Variants in CRACD observed in about 807,000 individuals in gnomAD.
The protein encoded by CRACD is capping protein-inhibiting regulator of actin dynamics.
CRACD carries 56 observed loss-of-function variants against 106.8 expected under a neutral mutation model. The ratio of observed to expected loss-of-function variants is 0.52; its 90% CI spans 0.42 to 0.66. The LOEUF (loss-of-function observed/expected upper bound fraction) is 0.66. CRACD is among the 30% of genes least tolerant of loss of function. The pLI is 0.00. For missense variants in CRACD, 1,730 were observed against 1,623.2 expected, an observed-to-expected ratio of 1.07 and a Z score of -1.13; for synonymous variants, 754 against 670.8, an observed-to-expected ratio of 1.12 and a Z score of -1.92.
At chr4:56,274,065 T>C (rs900438119) in intron 3 of CRACD, among the ~76,000 whole-genome samples, 3 of 152,234 alleles carry the variant, frequency 2.0e-5, no homozygotes, top group Non-Finnish European at 4.4e-5. Flanking sequence ...CAGCCCTGTG[T>C]TTATTTTCTG....
chr4:56,205,147 C>A (rs1287954997), intron 2 of CRACD, among the ~76,000 whole-genome samples: 2 of 152,072 alleles, frequency 1.3e-5, no homozygotes, highest in African/African-American at 2.4e-5. Context: ...CAGAGTAAGA[C>A]CCTGTCTCAA....
At chr4:56,241,999 A>T (rs982276634) in intron 2 of CRACD, among the ~76,000 whole-genome samples, 2 of 152,194 alleles carry the variant, frequency 1.3e-5, no homozygotes, top group Non-Finnish European at 2.9e-5. Context: ...ATTGTTAAAA[A>T]TTTTTTATAT....
chr4:56,160,903 G>A (rs534730761), intron 1 of CRACD, among the ~76,000 whole-genome samples: 28 of 152,324 alleles, frequency 1.8e-4, no homozygotes, highest in African/African-American at 6.5e-4. Context: ...TACCTTGTGC[G>A]TGTTTCCTCA....
At chr4:56,182,861 A>ATGTGTGTGTGTGTGTGTG (rs763638808) in intron 2 of CRACD, among the ~76,000 whole-genome samples, 102 of 101,984 alleles carry the variant, frequency 1.0e-3, no homozygotes, top group African/African-American at 3.6e-3. Flanking sequence ...GAAAAAAAAG[A>ATGTGTGTGTGTGTGTGTG]TATGTGTGTG....
chr4:56,220,828 C>T (rs780742780), intron 2 of CRACD, among the ~76,000 whole-genome samples: 2 of 152,076 alleles, frequency 1.3e-5, no homozygotes, highest in Non-Finnish European at 2.9e-5. Flanking sequence ...AATAGGGGAG[C>T]ACAGTCCCTG....
chr4:56,329,989 C>T lies in CRACD; in HGVS notation c.*2185C>T, dbSNP rs939293. 0.53 allele frequency among the ~76,000 whole-genome samples: 80,666 copies of T among 151,898 alleles called. 21,731 individuals are homozygous for T. The highest frequency in any genetic ancestry group is 0.64 in the Admixed American group (9,762 of 15,240). On this transcript the variant is annotated 3_prime_UTR_variant, in exon 11 of 11. Coordinates refer to ENST00000682029, the MANE Select transcript of CRACD (RefSeq NM_001393381.1). ...GAGTATACTGAAGAAAGGGCAGTCA[C>T]AATACTTACTTCTAACAGCTTCTAA...
At chr4:56,132,033 G>A (rs1218883925) in intron 1 of CRACD, among the ~76,000 whole-genome samples, 6 of 152,058 alleles carry the variant, frequency 3.9e-5, no homozygotes, top group Non-Finnish European at 8.8e-5. Context: ...GAAGAATATG[G>A]CTATACATTC....
At position 56,141,738 on chromosome 4, in the gene CRACD, C is replaced by T. The variant is rs116385460; in HGVS notation, c.-335-37546C>T. On this transcript the variant is annotated intron_variant, in intron 1 of 10. Coordinates refer to ENST00000682029, the MANE Select transcript of CRACD (RefSeq NM_001393381.1). ...AAACAGAGTCTTACTCTATCACCCA[C>T]GCTGGGGTGCAGTGCCATGATCGCA... Among the ~76,000 whole-genome samples the T allele has an allele frequency of 2.9e-3, 396 of 137,050 alleles. 3 individuals carry two copies. The highest frequency in any genetic ancestry group is 0.01 in the African/African-American group (366 of 36,050). The allele number at this position is 137,050 out of a possible 152,430, so 89.9% of individuals were successfully genotyped here.
chr4:56,324,938 T>G (rs1577921212), intron 10 of CRACD, among the ~76,000 whole-genome samples: 2 of 152,226 alleles, frequency 1.3e-5, no homozygotes, highest in South Asian at 4.1e-4. Flanking sequence ...TTACCCTGAT[T>G]GATCATTATA....
At chr4:56,166,756 A>G (rs1736172754) in intron 1 of CRACD, among the ~76,000 whole-genome samples, 1 of 152,016 alleles carries the variant, frequency 6.6e-6, no homozygotes, top group East Asian at 1.9e-4. Flanking sequence ...ATTTAGTAGC[A>G]TGGAAAAATA....
intron 2 of CRACD, among the ~76,000 whole-genome samples, chr4:56,218,427 C>CG: frequency 6.7e-6 from 1 of 148,844 alleles, no homozygotes; most frequent in Non-Finnish European, 1.5e-5. Flanking sequence ...CTTTCCCTCC[C>CG]TTCCCCTCCC....
Position 56,256,351 on chromosome 4 carries a change from T to A in CRACD, c.-188-15970T>A, listed in dbSNP as rs192921894. 2.7e-4 allele frequency among the ~76,000 whole-genome samples: 41 copies of A among 152,344 alleles called. 1 individual carries two copies. The highest frequency in any genetic ancestry group is 2.6e-3 in the Admixed American group (40 of 15,302). ...TCTGCCTTTCACCTTCTGCCATGAT[T>A]GTGAGGCCTCCCCAGCCCCATGGAA... On this transcript the variant is annotated intron_variant, in intron 2 of 10. Coordinates refer to ENST00000682029, the MANE Select transcript of CRACD (RefSeq NM_001393381.1).
chr4:56,322,284 A>C (rs1746153429), intron 8 of CRACD, among the ~76,000 whole-genome samples: 1 of 152,234 alleles, frequency 6.6e-6, no homozygotes, highest in Non-Finnish European at 1.5e-5. Flanking sequence ...AGACATTATC[A>C]TCTCCACTTT....
At chr4:56,074,348 T>C (rs111798641) in intron 1 of CRACD, among the ~76,000 whole-genome samples, 7 of 152,170 alleles carry the variant, frequency 4.6e-5, no homozygotes, top group African/African-American at 1.7e-4. Flanking sequence ...TGTTTGTGTC[T>C]TCTCTTATTT....
intron 1 of CRACD, among the ~76,000 whole-genome samples, chr4:56,132,061 A>G (rs34588475): frequency 0.27 from 41,060 of 152,000 alleles, 5,792 homozygotes; most frequent in East Asian, 0.45. Flanking sequence ...TTTTATTATT[A>G]TTTTTAGACA....
intron 8 of CRACD, among the ~76,000 whole-genome samples, chr4:56,321,949 C>T (rs1459051344): frequency 6.6e-6 from 1 of 152,152 alleles, no homozygotes; most frequent in South Asian, 2.1e-4. Flanking sequence ...ATTTTCTCAT[C>T]ACTGCTCTTT....
chr4:56,261,962 C>A (rs1741734815), intron 2 of CRACD, among the ~76,000 whole-genome samples: 1 of 151,972 alleles, frequency 6.6e-6, no homozygotes. Context: ...AAATGAAAAC[C>A]ACAGGGATTA....
chr4:56,153,056 A>C (rs1735639208), intron 1 of CRACD, among the ~76,000 whole-genome samples: 1 of 152,072 alleles, frequency 6.6e-6, no homozygotes, highest in African/African-American at 2.4e-5. Flanking sequence ...AGGTGGGCGG[A>C]TCACCTAAGG....
chr4:56,101,592 A>G (rs949367837), intron 1 of CRACD, among the ~76,000 whole-genome samples: 2 of 151,976 alleles, frequency 1.3e-5, no homozygotes, highest in African/African-American at 4.8e-5. Flanking sequence ...GTGAAACCCC[A>G]TCTCTACTAA....
Sources: allele counts gnomAD v4.1 joint callset (sites outside exome capture counted in the v4.1 genomes callset), GRCh38; gene constraint gnomAD v4.1.1; transcripts MANE v1.5; gene names NCBI Gene and HGNC (gene_info 2026-07-23, HGNC 2026-07-21).